The following EFL1 variants were observed in gnomAD, a reference collection of about 807,000 sequenced individuals.
The protein encoded by EFL1 is elongation factor-like GTPase 1.
A neutral mutation model predicts 126.7 loss-of-function variants in EFL1; 76 were observed. The observed-to-expected ratio is 0.60, with a 90% confidence interval of 0.50 to 0.73. EFL1 has a LOEUF of 0.73. Among genes scored for constraint, EFL1 ranks in the 30% least tolerant of loss-of-function variants. EFL1 has a pLI of 0.00. For missense variants in EFL1, 1,128 were observed against 1,343.2 expected, an observed-to-expected ratio of 0.84 and a Z score of 2.50; for synonymous variants, 410 against 448.4, an observed-to-expected ratio of 0.91 and a Z score of 1.08.
intron 17 of EFL1, among the ~76,000 whole-genome samples, chr15:82,155,272 A>C (rs1327247001): frequency 6.6e-6 from 1 of 151,862 alleles, no homozygotes; most frequent in Non-Finnish European, 1.5e-5. Context: ...GAGGCCGAGG[A>C]GGTTGGATCA....
At chr15:82,169,686 C>T (rs2074113966) in intron 15 of EFL1, among the ~76,000 whole-genome samples, 3 of 151,456 alleles carry the variant, frequency 2.0e-5, no homozygotes, top group Admixed American at 2.0e-4. Context: ...ATTTTTTTCT[C>T]TACAGTAACT....
At chr15:82,166,172 C>G (rs1429789419) in intron 15 of EFL1, among the ~76,000 whole-genome samples, 1 of 152,200 alleles carries the variant, frequency 6.6e-6, no homozygotes, top group Non-Finnish European at 1.5e-5. Context: ...TTCCTACACA[C>G]ACAGCACATG....
In EFL1 at chr15:82,157,692, T is replaced by A. The variant is rs79299829; in HGVS notation, c.2030+21A>T. The stretch of plus-strand genomic sequence containing the variant: ...TTGATTGAGAGCTATCATTTCTCCA[T>A]CGCTATCATTTTCACCTAACCTTTC... On this transcript the variant is annotated intron_variant, in intron 17 of 19. Transcript: ENST00000268206. 5.2e-4 allele frequency: 830 copies of A among 1,601,710 alleles called. 13 individuals carry two copies. The East Asian group carries it at 0.012, about 23-fold the overall frequency.
intron 17 of EFL1, among the ~76,000 whole-genome samples, chr15:82,155,991 G>A (rs1161440784): frequency 1.3e-5 from 2 of 152,040 alleles, no homozygotes; most frequent in Non-Finnish European, 2.9e-5. Flanking sequence ...TGTTACAAGT[G>A]GTATAAAGGT....
intron 4 of EFL1, among the ~76,000 whole-genome samples, chr15:82,250,574 G>C (rs1020837998): frequency 8.0e-5 from 12 of 150,134 alleles, no homozygotes; most frequent in Non-Finnish European, 1.6e-4. Context: ...AAGAAGTCAG[G>C]GCAAGGTGAA....
chr15:82,231,204 A>G (rs1369212066), intron 7 of EFL1, among the ~76,000 whole-genome samples: 1 of 152,200 alleles, frequency 6.6e-6, no homozygotes, highest in East Asian at 1.9e-4. Flanking sequence ...GTCTACACCA[A>G]TATGAATTGT....
chr15:82,220,002 G>A (rs1244230842), intron 13 of EFL1, 76 bp downstream of exon 13: 6 of 1,513,452 alleles, frequency 4.0e-6, no homozygotes, highest in Admixed American at 2.3e-5. Context: ...AAAATCTCAA[G>A]AACTAAAGGA....
At chr15:82,240,384 G>A (rs1324550697) in intron 6 of EFL1, 34 bp downstream of exon 6, 42 of 1,541,608 alleles carry the variant, frequency 2.7e-5, no homozygotes, top group Non-Finnish European at 3.6e-5. Context: ...TCTTCTTCGT[G>A]GCTAAATTTT....
chr15:82,230,567 G>A (rs1395861169), intron 8 of EFL1, among the ~76,000 whole-genome samples: 2 of 151,882 alleles, frequency 1.3e-5, no homozygotes, highest in Non-Finnish European at 2.9e-5. Flanking sequence ...TGTGTCTTCA[G>A]GTGCCCAAGA....
chr15:82,181,963 C>A (rs1381114532), intron 15 of EFL1, among the ~76,000 whole-genome samples: 1 of 152,112 alleles, frequency 6.6e-6, no homozygotes, highest in Non-Finnish European at 1.5e-5. Flanking sequence ...GCATTTAGTT[C>A]AAAAAATCAG....
intron 15 of EFL1, among the ~76,000 whole-genome samples, chr15:82,211,488 T>C (rs1184037566): frequency 2.7e-5 from 4 of 149,340 alleles, no homozygotes; most frequent in African/African-American, 1.0e-4. Flanking sequence ...ATTGTGCCAA[T>C]GTACTCCAGC....
chr15:82,212,643 G>A (rs892761928), intron 15 of EFL1, among the ~76,000 whole-genome samples: 8 of 152,174 alleles, frequency 5.3e-5, no homozygotes, highest in African/African-American at 1.9e-4. Flanking sequence ...AAAGAAAACA[G>A]AACCTTAATG....
intron 15 of EFL1, among the ~76,000 whole-genome samples, chr15:82,187,384 A>C (rs755303700): frequency 6.6e-6 from 1 of 152,220 alleles, no homozygotes; most frequent in Non-Finnish European, 1.5e-5. Context: ...ACTTTGCTCT[A>C]AGAGTGACTT....
intron 18 of EFL1, among the ~76,000 whole-genome samples, chr15:82,150,313 G>A (rs2073893697): frequency 6.6e-6 from 1 of 152,100 alleles, no homozygotes; most frequent in South Asian, 2.1e-4. Flanking sequence ...TTCCTAAAAA[G>A]AATGTAATTA....
At chr15:82,237,379 T>C (rs1596001858) in intron 7 of EFL1, among the ~76,000 whole-genome samples, 2 of 152,158 alleles carry the variant, frequency 1.3e-5, no homozygotes, top group Non-Finnish European at 2.9e-5. Flanking sequence ...CAAGAGGACC[T>C]ACAGATGACA....
intron 3 of EFL1, among the ~76,000 whole-genome samples, chr15:82,253,808 C>T (rs907046023): frequency 7.9e-5 from 12 of 152,144 alleles, no homozygotes; most frequent in African/African-American, 2.9e-4. Context: ...TTTTCTAGGC[C>T]TTGCAGTGCA....
chr15:82,215,989 A>G (rs1179486199), intron 14 of EFL1, among the ~76,000 whole-genome samples: 4 of 152,186 alleles, frequency 2.6e-5, no homozygotes, highest in African/African-American at 9.6e-5. Flanking sequence ...TCCACTTAAA[A>G]CAAGCTACGG....
intron 4 of EFL1, among the ~76,000 whole-genome samples, chr15:82,245,188 A>T (rs2074960910): frequency 6.6e-6 from 1 of 152,068 alleles, no homozygotes; most frequent in Non-Finnish European, 1.5e-5. Context: ...GGTCTCACTG[A>T]AACATTCAGG....
chr15:82,207,307 T>TAGACAC (rs141904056), intron 15 of EFL1, among the ~76,000 whole-genome samples: 1 of 145,418 alleles, frequency 6.9e-6, no homozygotes, highest in African/African-American at 2.6e-5. Flanking sequence ...TATATATATA[T>TAGACAC]ACACACACAC....
Sources: allele counts gnomAD v4.1 joint callset (sites outside exome capture counted in the v4.1 genomes callset), GRCh38; gene constraint gnomAD v4.1.1; transcripts MANE v1.5; gene names NCBI Gene and HGNC (gene_info 2026-07-23, HGNC 2026-07-21).